The following CDKAL1 variants were observed in gnomAD, a reference collection of about 807,000 sequenced individuals.
CDKAL1 encodes threonylcarbamoyladenosine tRNA methylthiotransferase.
A neutral mutation model predicts 68.2 loss-of-function variants in CDKAL1; 32 were observed. The observed-to-expected ratio is 0.47, with a 90% CI of 0.35 to 0.63. CDKAL1 has a LOEUF of 0.63. CDKAL1 is among the 30% of genes least tolerant of loss of function. The probability of loss-of-function intolerance (pLI) is 0.00; values close to 1 mark genes in which losing one functional copy is unlikely to be tolerated. For synonymous variants in CDKAL1, 234 were observed against 244.3 expected, an observed-to-expected ratio of 0.96 and a Z score of 0.39; for missense variants, 606 against 696.7, an observed-to-expected ratio of 0.87 and a Z score of 1.47.
chr6:21,056,022 C>T lies in CDKAL1; in HGVS notation c.1056-9026C>T, dbSNP rs569385547. Among the ~76,000 whole-genome samples, 4 of 152,306 alleles carry T rather than the reference C, an allele frequency of 2.6e-5. No homozygotes were observed. In the South Asian group the frequency reaches 8.3e-4, roughly 32 times the overall value. On this transcript the variant is annotated intron_variant, in intron 11 of 15. Coordinates refer to ENST00000274695, the MANE Select transcript of CDKAL1 (RefSeq NM_017774.3). The stretch of plus-strand genomic sequence containing the variant: ...AAGCATTCGTATTTCTCCACAGCCT[C>T]ACCAACATCTGTTGTTTCTTGACTT...
intron 9 of CDKAL1, among the ~76,000 whole-genome samples, chr6:20,907,306 C>T (rs937014405): frequency 1.3e-5 from 2 of 152,066 alleles, no homozygotes; most frequent in African/African-American, 4.8e-5. Flanking sequence ...CTTGTAGTCC[C>T]AGCTACTTGG....
intron 13 of CDKAL1, among the ~76,000 whole-genome samples, chr6:21,163,814 T>C (rs1291077967): frequency 6.6e-6 from 1 of 152,056 alleles, no homozygotes; most frequent in African/African-American, 2.4e-5. Flanking sequence ...CAGCCAGGCA[T>C]GGTGGTGCAT....
intron 4 of CDKAL1, among the ~76,000 whole-genome samples, chr6:20,629,816 G>A (rs1401541442): frequency 6.6e-6 from 1 of 151,920 alleles, no homozygotes; most frequent in Non-Finnish European, 1.5e-5. Context: ...CCTGTGCTGG[G>A]CTGCCTGTCT....
intron 8 of CDKAL1, among the ~76,000 whole-genome samples, chr6:20,831,507 C>A (rs1229574377): frequency 1.3e-5 from 2 of 152,134 alleles, no homozygotes; most frequent in Admixed American, 1.3e-4. Context: ...ATTTGCTGAG[C>A]AGACTTCTCA....
chr6:21,214,874 GATGAATGAATGAATGA>G (rs58042681), intron 15 of CDKAL1, among the ~76,000 whole-genome samples: 8 of 149,788 alleles, frequency 5.3e-5, no homozygotes, highest in Middle Eastern at 3.4e-3. Flanking sequence ...ACGTCTGTTG[GATGAATGAATGAATGA>G]ATGAATGAAT....
intron 6 of CDKAL1, among the ~76,000 whole-genome samples, chr6:20,750,700 A>C (rs946558317): frequency 6.6e-6 from 1 of 152,128 alleles, no homozygotes; most frequent in African/African-American, 2.4e-5. Flanking sequence ...GTGGTGACTC[A>C]TGCCTGTAAT....
At chr6:20,674,019 C>T (rs1769974075) in intron 5 of CDKAL1, among the ~76,000 whole-genome samples, 1 of 151,968 alleles carries the variant, frequency 6.6e-6, no homozygotes. Flanking sequence ...GAGGATTTCT[C>T]TCTCATTTTG....
chr6:20,766,038 T>A (rs1264103728), intron 7 of CDKAL1, among the ~76,000 whole-genome samples: 1 of 152,214 alleles, frequency 6.6e-6, no homozygotes, highest in Non-Finnish European at 1.5e-5. Context: ...TTAAGGCTTT[T>A]AGAACACAAA....
intron 13 of CDKAL1, among the ~76,000 whole-genome samples, chr6:21,197,073 G>T (rs1467982406): frequency 5.3e-5 from 8 of 151,824 alleles, no homozygotes; most frequent in African/African-American, 1.9e-4. Context: ...CAGAAGAATC[G>T]TTTGAACCCG....
rs375583456 is a variant in CDKAL1, at chr6:20,749,611, G to T, written c.469-8984G>T. On this transcript the variant is annotated intron_variant, in intron 6 of 15. Transcript: ENST00000274695. The stretch of plus-strand genomic sequence containing the variant: ...CCCCCAGGCTAGAGTGCAGTGGCAC[G>T]ATCTCGGCTCACTGCAAGCTCCGCC... Among the ~76,000 whole-genome samples the T allele has an allele frequency of 1.7e-4, 26 of 151,108 alleles. 1 individual carries two copies. Among genetic ancestry groups the T allele is most frequent in the African/African-American group, 5.8e-4 (24 of 41,160 alleles).
intron 4 of CDKAL1, among the ~76,000 whole-genome samples, chr6:20,610,193 G>A (rs1766556829): frequency 6.6e-6 from 1 of 152,124 alleles, no homozygotes; most frequent in Non-Finnish European, 1.5e-5. Context: ...TGGACATTTA[G>A]GTTGATTCCG....
rs572394777 is a variant in CDKAL1, at chr6:20,954,789, G to A, written c.743-630G>A. Among the ~76,000 whole-genome samples, 3 of 152,210 alleles carry A rather than the reference G, an allele frequency of 2.0e-5. No homozygotes were observed. The South Asian group carries it at 6.2e-4, about 32-fold the overall frequency. On this transcript the variant is annotated intron_variant, in intron 9 of 15. Transcript: ENST00000274695. ...TACATTTTCCTAAAGTCTGATTTGT[G>A]GAAAATAGAAAGCAAACTGTCAGTA...
At chr6:20,730,485 A>C (rs969756662) in intron 5 of CDKAL1, among the ~76,000 whole-genome samples, 3 of 147,736 alleles carry the variant, frequency 2.0e-5, no homozygotes, top group Non-Finnish European at 4.5e-5. Flanking sequence ...GAAGGAAGGA[A>C]AGAAAAAGAA....
chr6:20,544,335 C>T (rs898585248), intron 2 of CDKAL1, among the ~76,000 whole-genome samples: 1 of 151,080 alleles, frequency 6.6e-6, no homozygotes, highest in South Asian at 2.1e-4. Flanking sequence ...CAGTGGCTCA[C>T]GCCTGTAATC....
At chr6:20,818,890 T>G (rs1230468143) in intron 8 of CDKAL1, among the ~76,000 whole-genome samples, 4 of 151,974 alleles carry the variant, frequency 2.6e-5, no homozygotes, top group African/African-American at 9.7e-5. Flanking sequence ...TGCATTATGT[T>G]TAGAATTTAG....
At position 20,756,435 on chromosome 6, in the gene CDKAL1, A is replaced by G. The variant is rs77298064; in HGVS notation, c.469-2160A>G. ...ATCAAACATATTCATTTTAGTCTGT[A>G]TACTTATGTCTCTGTAGTATTTGAC... On this transcript the variant is annotated intron_variant, in intron 6 of 15. Coordinates refer to ENST00000274695, the MANE Select transcript of CDKAL1 (RefSeq NM_017774.3). 5.9e-5 allele frequency among the ~76,000 whole-genome samples: 9 copies of G among 152,280 alleles called. No homozygotes were observed. In the East Asian group the frequency reaches 1.7e-3, roughly 29 times the overall value.
At chr6:20,584,459 A>T (rs1765262320) in intron 4 of CDKAL1, among the ~76,000 whole-genome samples, 1 of 152,104 alleles carries the variant, frequency 6.6e-6, no homozygotes, top group Non-Finnish European at 1.5e-5. Flanking sequence ...TGCAGGCTGG[A>T]AATGCACACA....
Position 20,603,109 on chromosome 6 carries a change from T to G in CDKAL1, c.287-46184T>G, listed in dbSNP as rs115347536. ...TCCTCTTCTACTTTTTCTTTTTCTGTGTATTATTTGGTTCTGGCAAGTACC... is the reference window on the plus strand; with the variant it reads ...TCCTCTTCTACTTTTTCTTTTTCTGGGTATTATTTGGTTCTGGCAAGTACC... On this transcript the variant is annotated intron_variant, in intron 4 of 15. Coordinates refer to ENST00000274695, the MANE Select transcript of CDKAL1 (RefSeq NM_017774.3). Among the ~76,000 whole-genome samples the G allele has an allele frequency of 3.7e-3, 564 of 152,330 alleles. 4 individuals carry two copies. The highest frequency in any genetic ancestry group is 0.013 in the African/African-American group (542 of 41,586).
intron 13 of CDKAL1, among the ~76,000 whole-genome samples, chr6:21,194,437 A>G (rs1778386138): frequency 6.6e-6 from 1 of 152,086 alleles, no homozygotes; most frequent in Non-Finnish European, 1.5e-5. Context: ...ACAAATTCTG[A>G]TCCCTTCTAG....
Sources: allele counts gnomAD v4.1 joint callset (sites outside exome capture counted in the v4.1 genomes callset), GRCh38; gene constraint gnomAD v4.1.1; transcripts MANE v1.5; gene names NCBI Gene and HGNC (gene_info 2026-07-23, HGNC 2026-07-21).